TCF3: variants seen among roughly 807,000 people sequenced by gnomAD.
TCF3 encodes the protein transcription factor E2-alpha.
Under a neutral mutation model 72.3 loss-of-function variants are expected in TCF3, and 54 were observed. The ratio of observed to expected loss-of-function variants is 0.75; its 90% CI spans 0.60 to 0.94. TCF3 has a LOEUF of 0.94. Ranked by LOEUF, TCF3 falls within the 40% of genes least tolerant of loss-of-function variation. The pLI is 0.00. For synonymous variants in TCF3, 525 were observed against 412.6 expected, an observed-to-expected ratio of 1.27 and a Z score of -3.30; for missense variants, 1,078 against 934.4, an observed-to-expected ratio of 1.15 and a Z score of -2.00.
In TCF3 at chr19:1,609,773, C is replaced by T. The variant is rs1213336338; in HGVS notation, c.*1934G>A. On this transcript the variant is annotated 3_prime_UTR_variant, in exon 19 of 19. Coordinates refer to ENST00000262965, the MANE Select transcript of TCF3 (RefSeq NM_003200.5). ...GGCATTGAGCTGGCCTTGAGGTTTCCCTTGCATCTACCATGGGGCCCAGGC... is the reference window on the plus strand; with the variant it reads ...GGCATTGAGCTGGCCTTGAGGTTTCTCTTGCATCTACCATGGGGCCCAGGC... 2 of 230,804 alleles carry T rather than the reference C, an allele frequency of 8.7e-6. No homozygotes were observed. The highest frequency in any genetic ancestry group is 1.7e-5 in the Non-Finnish European group (2 of 116,696). 14.3% of individuals were successfully genotyped at this position (230,804 alleles called of 1,614,324 possible). A position where few individuals can be genotyped will look rare whatever the true frequency, so the allele number is the denominator to read the frequency against.
intron 2 of TCF3, 113 bp downstream of exon 2, chr19:1,650,064 A>G (rs2066770857): frequency 1.8e-6 from 2 of 1,115,122 alleles, no homozygotes; most frequent in South Asian, 3.0e-5. Flanking sequence ...CCTCCCATCC[A>G]AACAGCTGAG....
Position 1,609,390 on chromosome 19 carries a change from C to A in TCF3, c.*2317G>T. The A allele has an allele frequency of 4.9e-6, 1 of 206,054 alleles. No individual in the cohort carries two copies. The highest frequency in any genetic ancestry group is 9.9e-6 in the Non-Finnish European group (1 of 100,922). 12.8% of individuals were successfully genotyped at this position (206,054 alleles called of 1,614,324 possible). On this transcript the variant is annotated 3_prime_UTR_variant, in exon 19 of 19. Coordinates refer to ENST00000262965, the MANE Select transcript of TCF3 (RefSeq NM_003200.5). ...AGGGTCGTTTTAAAGTCCCAATCAT[C>A]CAGCCAGCTGTGTTGACACGTATAC...
intron 8 of TCF3, 56 bp downstream of exon 8, chr19:1,623,893 CAG>C: frequency 6.4e-7 from 1 of 1,567,036 alleles, no homozygotes; most frequent in South Asian, 1.1e-5. Context: ...CGCCAGGACA[CAG>C]GGCCTGGCAC....
At chr19:1,625,554 G>C (rs1348809348) in intron 7 of TCF3, 22 bp downstream of exon 7, 1 of 1,554,666 alleles carries the variant, frequency 6.4e-7, no homozygotes, top group Non-Finnish European at 8.6e-7. Context: ...AGCCCCCGAT[G>C]CCCCGGCCAG....
At chr19:1,621,292 C>G in intron 11 of TCF3, 101 bp from the exon 12 acceptor site, 1 of 1,353,586 alleles carries the variant, frequency 7.4e-7, no homozygotes, top group Non-Finnish European at 1.0e-6. Context: ...CACTGCTGCG[C>G]CAGGGAGAGC....
At chr19:1,651,724 G>A (rs896879119) in intron 1 of TCF3, among the ~76,000 whole-genome samples, 41 of 151,968 alleles carry the variant, frequency 2.7e-4, no homozygotes, top group African/African-American at 9.9e-4. Context: ...AGGCGGTGCG[G>A]CCCGGGAGCC....
At chr19:1,616,827 G>T (rs1361030163) in intron 16 of TCF3, among the ~76,000 whole-genome samples, 1 of 152,180 alleles carries the variant, frequency 6.6e-6, no homozygotes, top group Non-Finnish European at 1.5e-5. Flanking sequence ...TATCAGAATT[G>T]AGAGTTCCTG....
chr19:1,650,586 G>A, intron 1 of TCF3: 1 of 310,846 alleles, frequency 3.2e-6, no homozygotes, highest in Non-Finnish European at 5.9e-6. Flanking sequence ...AGGGCATCAA[G>A]TTGCCAAGTT....
At chr19:1,643,520 C>T (rs2065637606) in intron 3 of TCF3, among the ~76,000 whole-genome samples, 1 of 151,242 alleles carries the variant, frequency 6.6e-6, no homozygotes, top group Admixed American at 6.6e-5. Flanking sequence ...TGTGTCTGGC[C>T]CTTTTCTGTT....
At chr19:1,643,856 G>A (rs2065681287) in intron 3 of TCF3, among the ~76,000 whole-genome samples, 1 of 152,244 alleles carries the variant, frequency 6.6e-6, no homozygotes, top group Admixed American at 6.5e-5. Context: ...GAAAAGCGAG[G>A]TGACTTAAAA....
intron 1 of TCF3, 154 bp from the exon 2 acceptor site, chr19:1,650,441 C>T: frequency 1.7e-6 from 1 of 591,442 alleles, no homozygotes; most frequent in Non-Finnish European, 3.0e-6. Flanking sequence ...CACGGGGAGC[C>T]CTGGGAGCAG....
rs763074707 is a variant in TCF3, at chr19:1,610,651, C to T, written c.*1056G>A. 5.6e-5 allele frequency: 13 copies of T among 230,718 alleles called. No homozygotes were observed. The highest frequency in any genetic ancestry group is 9.4e-5 in the Non-Finnish European group (11 of 116,574). 14.3% of individuals were successfully genotyped at this position (230,718 alleles called of 1,614,324 possible). On this transcript the variant is annotated 3_prime_UTR_variant, in exon 19 of 19. Coordinates refer to ENST00000262965, the MANE Select transcript of TCF3 (RefSeq NM_003200.5). ...CCAAGGGAGAGCAGCTTAGGGGGGC[C>T]TGGGGAGGGCGTTGTGTAGGGTAGC... is the stretch of plus-strand genomic sequence containing the variant.
chr19:1,623,625 C>T (rs2062526323), intron 8 of TCF3, among the ~76,000 whole-genome samples: 1 of 152,076 alleles, frequency 6.6e-6, no homozygotes. Context: ...CTCAGGTGAT[C>T]CACCCACCTC....
chr19:1,622,003 A>G (rs1303306148), intron 10 of TCF3, 33 bp from the exon 11 acceptor site: 1 of 1,599,698 alleles, frequency 6.3e-7, no homozygotes, highest in Non-Finnish European at 8.5e-7. Context: ...GGTGGGTTAG[A>G]TGGGCACTGC....
intron 1 of TCF3, among the ~76,000 whole-genome samples, chr19:1,651,908 C>CCCGGG (rs2067155129): frequency 6.6e-6 from 1 of 151,244 alleles, no homozygotes; most frequent in African/African-American, 2.4e-5. Context: ...AACTCCGGCG[C>CCCGGG]CCGGGCCGGG....
rs1426972723 is a variant in TCF3 at position 1,650,136 on chromosome 19, G to A, written c.72+41C>T. On this transcript the variant is annotated intron_variant, in intron 2 of 18. Transcript: ENST00000262965. ...TGAAAACCTTCCCGTGAACTGTGGAGGCAAAGGGGTGTCGGGGGCTGGGCG... is the reference window on the plus strand; with the variant it reads ...TGAAAACCTTCCCGTGAACTGTGGAAGCAAAGGGGTGTCGGGGGCTGGGCG... 6 of 1,524,434 alleles carry A rather than the reference G, an allele frequency of 3.9e-6. No homozygotes were observed. The Admixed American group carries it at 1.2e-4, about 30-fold the overall frequency. 94.4% of individuals were successfully genotyped at this position (1,524,434 alleles called of 1,614,324 possible).
intron 3 of TCF3, among the ~76,000 whole-genome samples, chr19:1,634,048 G>T (rs1043077484): frequency 1.3e-5 from 2 of 152,194 alleles, no homozygotes; most frequent in Admixed American, 6.5e-5. Flanking sequence ...GACCTCCTGG[G>T]GCCCCATGCC....
At chr19:1,630,017 C>G (rs1012087621) in intron 5 of TCF3, among the ~76,000 whole-genome samples, 5 of 152,152 alleles carry the variant, frequency 3.3e-5, no homozygotes, top group Admixed American at 6.5e-5. Context: ...AAAAGCCCCC[C>G]GTGCCTCCCC....
Position 1,648,823 on chromosome 19 carries a change from G to T in TCF3, c.72+1354C>A, listed in dbSNP as rs541629728. On this transcript the variant is annotated intron_variant, in intron 2 of 18. Transcript: ENST00000262965. ...CAAACGCTGCCACTGGGCATGGGGGGGGGGGGGGAGCAGAATTTAAGGACA... is the reference window on the plus strand; with the variant it reads ...CAAACGCTGCCACTGGGCATGGGGGTGGGGGGGGAGCAGAATTTAAGGACA... 1.4e-3 allele frequency among the ~76,000 whole-genome samples: 216 copies of T among 150,872 alleles called. 3 individuals carry two copies. Among genetic ancestry groups the T allele is most frequent in the African/African-American group, 5.1e-3 (207 of 40,410 alleles).
Sources: allele counts gnomAD v4.1 joint callset (sites outside exome capture counted in the v4.1 genomes callset), GRCh38; gene constraint gnomAD v4.1.1; transcripts MANE v1.5; gene names NCBI Gene and HGNC (gene_info 2026-07-23, HGNC 2026-07-21).